The following EPHA6 variants were observed in gnomAD, a reference collection of about 807,000 sequenced individuals.
EPHA6 encodes the protein ephrin type-A receptor 6.
A neutral mutation model predicts 112.0 loss-of-function variants in EPHA6; 50 were observed. The observed-to-expected ratio is 0.45, with a 90% CI of 0.36 to 0.56. The LOEUF (loss-of-function observed/expected upper bound fraction) is 0.56. EPHA6 is among the 20% of genes least tolerant of loss of function. The pLI is 0.00. For missense variants in EPHA6, 1,280 were observed against 1,417.4 expected (o/e 0.90, Z 1.56); for synonymous variants, 529 against 490.7 (o/e 1.08, Z -1.03).
intron 1 of EPHA6, among the ~76,000 whole-genome samples, chr3:96,834,073 CAAAA>C (rs1179097034): frequency 3.3e-5 from 5 of 151,644 alleles, no homozygotes; most frequent in African/African-American, 1.2e-4. Flanking sequence ...ATTTAAATGT[CAAAA>C]AAAGCATCTC....
At chr3:96,928,138 G>A (rs1055167588) in intron 2 of EPHA6, among the ~76,000 whole-genome samples, 1 of 152,178 alleles carries the variant, frequency 6.6e-6, no homozygotes, top group African/African-American at 2.4e-5. Context: ...AGATTATACA[G>A]ATTATAATTC....
intron 14 of EPHA6, among the ~76,000 whole-genome samples, chr3:97,708,402 GA>G (rs2033791874): frequency 6.6e-6 from 1 of 152,236 alleles, no homozygotes; most frequent in Non-Finnish European, 1.5e-5. Context: ...GAGAATTAAA[GA>G]TGTGACCTGG....
chr3:97,562,501 T>C (rs940104837), intron 11 of EPHA6, among the ~76,000 whole-genome samples: 9 of 152,120 alleles, frequency 5.9e-5, no homozygotes, highest in Admixed American at 5.9e-4. Flanking sequence ...GGCTGAATTA[T>C]TGTAATCTCA....
intron 14 of EPHA6, among the ~76,000 whole-genome samples, chr3:97,706,377 TA>T (rs2033676889): frequency 6.6e-6 from 1 of 152,124 alleles, no homozygotes; most frequent in South Asian, 2.1e-4. Flanking sequence ...ATTTTGCACA[TA>T]AAAAAGTGAC....
chr3:97,578,503 A>T (rs1483453788), intron 11 of EPHA6, among the ~76,000 whole-genome samples: 1 of 152,230 alleles, frequency 6.6e-6, no homozygotes, highest in Non-Finnish European at 1.5e-5. Flanking sequence ...CTGGCCAGCC[A>T]TATGGCCCTT....
chr3:97,212,072 T>A, intron 3 of EPHA6, among the ~76,000 whole-genome samples: 1 of 152,124 alleles, frequency 6.6e-6, no homozygotes, highest in East Asian at 1.9e-4. Context: ...TCAGTCTGAC[T>A]TAAAGAGTAT....
intron 2 of EPHA6, among the ~76,000 whole-genome samples, chr3:96,974,950 G>A (rs1220330705): frequency 3.3e-5 from 5 of 152,074 alleles, no homozygotes; most frequent in Non-Finnish European, 5.9e-5. Flanking sequence ...CCAGAGAGGG[G>A]GTCAGTGCAT....
At chr3:97,257,627 T>G (rs2079360715) in intron 5 of EPHA6, among the ~76,000 whole-genome samples, 2 of 152,068 alleles carry the variant, frequency 1.3e-5, no homozygotes, top group African/African-American at 4.8e-5. Context: ...ATTGTGTATC[T>G]AGCACTTTAA....
chr3:97,562,689 A>G (rs2093208303), intron 11 of EPHA6, among the ~76,000 whole-genome samples: 1 of 152,192 alleles, frequency 6.6e-6, no homozygotes, highest in South Asian at 2.1e-4. Flanking sequence ...GTTTTGAAAG[A>G]AGTTCTTGTT....
In EPHA6 at chr3:97,278,998, G is replaced by A. The variant is rs555413387; in HGVS notation, c.1606+34711G>A. Among the ~76,000 whole-genome samples, 4 of 152,318 alleles carry A rather than the reference G, an allele frequency of 2.6e-5. No homozygotes were observed. In the East Asian group the frequency reaches 7.7e-4, roughly 29 times the overall value. On this transcript the variant is annotated intron_variant, in intron 5 of 17. Coordinates refer to ENST00000389672, the MANE Select transcript of EPHA6 (RefSeq NM_001080448.3). ...GGCTGTGTGGGCTCTTTATCTCTTG[G>A]TAGAAGGGGTGAAAGACTGTGAACG... is the stretch of plus-strand genomic sequence containing the variant.
At chr3:97,643,097 C>A (rs1367818686) in intron 14 of EPHA6, among the ~76,000 whole-genome samples, 1 of 152,180 alleles carries the variant, frequency 6.6e-6, no homozygotes, top group African/African-American at 2.4e-5. Context: ...GATCTCTCGG[C>A]AGAAACCCTG....
intron 5 of EPHA6, among the ~76,000 whole-genome samples, chr3:97,287,909 G>C (rs1219584714): frequency 2.0e-5 from 3 of 152,022 alleles, no homozygotes; most frequent in African/African-American, 7.2e-5. Context: ...TGTCAGGGTA[G>C]TAGTATCAGG....
Position 97,521,923 on chromosome 3 carries a change from CAA to C in EPHA6, c.2201-10416_2201-10415del, listed in dbSNP as rs754123519. ...AAACTGTCTTCTGGAGAGCCTTTTT[CAA>C]AAAAAAAAAAAAAAAAAAGACAAGG... On this transcript the variant is annotated intron_variant, in intron 10 of 17. Transcript: ENST00000389672. Among the ~76,000 whole-genome samples, 200 of 87,912 alleles carry C rather than the reference CAA, an allele frequency of 2.3e-3. No individual in the cohort carries two copies. The South Asian group carries it at 0.027, about 12-fold the overall frequency. 57.7% of individuals were successfully genotyped at this position (87,912 alleles called of 152,430 possible). A position where few individuals can be genotyped will look rare whatever the true frequency, so the allele number is the denominator to read the frequency against.
At chr3:97,613,125 A>G (rs552806357) in intron 13 of EPHA6, among the ~76,000 whole-genome samples, 1 of 152,154 alleles carries the variant, frequency 6.6e-6, no homozygotes, top group Admixed American at 6.6e-5. Flanking sequence ...CTCTTCTTTA[A>G]TGTTCTTACC....
At chr3:96,938,852 A>G (rs1427921193) in intron 2 of EPHA6, among the ~76,000 whole-genome samples, 4 of 152,188 alleles carry the variant, frequency 2.6e-5, no homozygotes, top group Non-Finnish European at 5.9e-5. Context: ...CCTTTTCTGC[A>G]TCTATTGAGA....
At chr3:97,382,767 A>G (rs2085829827) in intron 5 of EPHA6, among the ~76,000 whole-genome samples, 2 of 152,044 alleles carry the variant, frequency 1.3e-5, no homozygotes, top group African/African-American at 4.8e-5. Flanking sequence ...GGAAACATGA[A>G]TTAGATAATT....
At chr3:97,440,560 C>A (rs1003065823) in intron 6 of EPHA6, among the ~76,000 whole-genome samples, 3 of 150,608 alleles carry the variant, frequency 2.0e-5, no homozygotes, top group Admixed American at 1.3e-4. Context: ...TTAAAAAAAA[C>A]CCACCACATC....
At chr3:97,745,031 G>T (rs978533006) in intron 16 of EPHA6, among the ~76,000 whole-genome samples, 1 of 151,788 alleles carries the variant, frequency 6.6e-6, no homozygotes, top group Non-Finnish European at 1.5e-5. Context: ...ATTTAAACTT[G>T]GTTAGTGAAG....
At chr3:97,225,258 T>C (rs1369029337) in intron 3 of EPHA6, among the ~76,000 whole-genome samples, 4 of 152,110 alleles carry the variant, frequency 2.6e-5, no homozygotes, top group Admixed American at 2.0e-4. Flanking sequence ...CCTGGCAATT[T>C]TGGGCTAATT....
Sources: gnomAD v4.1 joint callset for allele counts (sites outside exome capture counted in the v4.1 genomes callset) on GRCh38, gnomAD v4.1.1 for gene constraint, MANE v1.5 for transcripts, NCBI Gene and HGNC (gene_info 2026-07-23, HGNC 2026-07-21) for gene names.